VIPR2: variants seen among roughly 807,000 people sequenced by gnomAD.
VIPR2 encodes the protein vasoactive intestinal polypeptide receptor 2.
In VIPR2, 48 loss-of-function variants were observed where a neutral mutation model predicts 58.0. That is an observed-to-expected ratio of 0.83 (90% CI 0.66 to 1.05). The LOEUF (loss-of-function observed/expected upper bound fraction) is 1.05, where lower values mean the gene tolerates loss of function less well. Ranked by LOEUF, VIPR2 falls within the 50% of genes least tolerant of loss-of-function variation. The pLI is 0.00. For missense variants in VIPR2, 534 were observed against 558.0 expected (o/e 0.96, Z 0.43); for synonymous variants, 243 against 235.2 (o/e 1.03, Z -0.30).
intron 4 of VIPR2, among the ~76,000 whole-genome samples, chr7:159,082,395 C>T (rs961594715): frequency 6.6e-6 from 1 of 151,860 alleles, no homozygotes; most frequent in African/African-American, 2.4e-5. Context: ...TGTTCTCACT[C>T]ATAGGTGGGA....
intron 4 of VIPR2, among the ~76,000 whole-genome samples, chr7:159,082,957 A>G (rs1585441169): frequency 1.3e-5 from 2 of 152,230 alleles, no homozygotes; most frequent in South Asian, 4.1e-4. Flanking sequence ...GAGGCTAACC[A>G]TCATCCTCAT....
At chr7:159,122,567 C>T (rs185826284) in intron 2 of VIPR2, among the ~76,000 whole-genome samples, 2 of 152,296 alleles carry the variant, frequency 1.3e-5, no homozygotes, top group East Asian at 3.9e-4. Flanking sequence ...AGGGTGCTGG[C>T]TGACTGTGTT....
chr7:159,067,839 G>A, intron 4 of VIPR2, among the ~76,000 whole-genome samples: 1 of 152,234 alleles, frequency 6.6e-6, no homozygotes, highest in Non-Finnish European at 1.5e-5. Context: ...AATCTCATAG[G>A]TTCAAGGCTA....
In VIPR2 at chr7:159,143,987, C is replaced by A. The variant is rs968425501; in HGVS notation, c.51+734G>T. Among the ~76,000 whole-genome samples, 6 of 152,250 alleles carry A rather than the reference C, an allele frequency of 3.9e-5. No individual in the cohort carries two copies. In the East Asian group the frequency reaches 1.2e-3, roughly 29 times the overall value. The stretch of plus-strand genomic sequence containing the variant: ...CTGTCGGGTCAGCAGCGCAGCCTCC[C>A]AGCTGCGGAGGGGCCGCGGATCGAT... On this transcript the variant is annotated intron_variant, in intron 1 of 12. Coordinates refer to ENST00000262178, the MANE Select transcript of VIPR2 (RefSeq NM_003382.5).
chr7:159,079,638 G>T lies in VIPR2; in HGVS notation c.358-21060C>A, dbSNP rs576590384. Among the ~76,000 whole-genome samples the T allele has an allele frequency of 3.3e-5, 5 of 152,222 alleles. No individual in the cohort carries two copies. The South Asian group carries it at 1.0e-3, about 32-fold the overall frequency. On this transcript the variant is annotated intron_variant, in intron 4 of 12. Coordinates refer to ENST00000262178, the MANE Select transcript of VIPR2 (RefSeq NM_003382.5). ...GATCAGAGCAGAACTGAAGGAAATAGAGACACAAAAAACCCTTCAAAAAAT... is the reference window on the plus strand; with the variant it reads ...GATCAGAGCAGAACTGAAGGAAATATAGACACAAAAAACCCTTCAAAAAAT...
chr7:159,080,888 T>A (rs1454083969), intron 4 of VIPR2, among the ~76,000 whole-genome samples: 2 of 151,870 alleles, frequency 1.3e-5, no homozygotes, highest in African/African-American at 2.4e-5. Flanking sequence ...GAGAATAAAA[T>A]ACCTAGGAAT....
intron 5 of VIPR2, among the ~76,000 whole-genome samples, chr7:159,047,248 CA>C (rs1854713633): frequency 6.6e-6 from 1 of 151,972 alleles, no homozygotes; most frequent in Admixed American, 6.6e-5. Flanking sequence ...TTGTCTCAAA[CA>C]AACAAACAAA....
chr7:159,102,761 A>G (rs907152152), intron 4 of VIPR2, among the ~76,000 whole-genome samples: 18 of 152,174 alleles, frequency 1.2e-4, no homozygotes, highest in African/African-American at 4.1e-4. Context: ...TCGGCCCACA[A>G]GCTGATGGTT....
intron 6 of VIPR2, among the ~76,000 whole-genome samples, chr7:159,041,638 AGGGTCCTGAGGGTCCGTCAT>A (rs1854343619): frequency 8.8e-6 from 1 of 113,938 alleles, no homozygotes; most frequent in South Asian, 2.7e-4. Flanking sequence ...AGGGTCCGTC[AGGGTCCTGAGGGTCCGTCAT>A]GGGTCCTGAG....
At chr7:159,075,460 T>C (rs973983460) in intron 4 of VIPR2, among the ~76,000 whole-genome samples, 7 of 152,248 alleles carry the variant, frequency 4.6e-5, no homozygotes, top group Non-Finnish European at 8.8e-5. Context: ...TGCAAACAGT[T>C]TGTTTCTCAC....
chr7:159,036,413 G>A lies in VIPR2; in HGVS notation c.748+339C>T, dbSNP rs373370370. Among the ~76,000 whole-genome samples the A allele has an allele frequency of 1.9e-3, 290 of 152,228 alleles. 3 individuals are homozygous for A. Among genetic ancestry groups the A allele is most frequent in the African/African-American group, 5.8e-3 (242 of 41,540 alleles). On this transcript the variant is annotated intron_variant, in intron 7 of 12. Transcript: ENST00000262178. ...CAACCCTGGGCAAGGCAAGGCTTCC[G>A]CTACCTGGTGTGCCTCTCCTCTCTG...
chr7:159,060,759 T>C (rs1216746040), intron 4 of VIPR2, among the ~76,000 whole-genome samples: 1 of 149,966 alleles, frequency 6.7e-6, no homozygotes, highest in Non-Finnish European at 1.5e-5. Flanking sequence ...GCCTGCACCT[T>C]ACCTAACCCA....
chr7:159,108,382 T>G (rs1795855187), intron 3 of VIPR2, among the ~76,000 whole-genome samples: 1 of 152,194 alleles, frequency 6.6e-6, no homozygotes, highest in Non-Finnish European at 1.5e-5. Flanking sequence ...ATAGCTCACG[T>G]TTTTGTGATC....
chr7:159,110,869 T>A (rs1795970785), intron 2 of VIPR2, among the ~76,000 whole-genome samples: 1 of 152,202 alleles, frequency 6.6e-6, no homozygotes, highest in Non-Finnish European at 1.5e-5. Context: ...AAGCTGGCCA[T>A]AAGCTAAGTT....
In VIPR2 at chr7:159,097,118, T is replaced by C; in HGVS notation, c.357+6639A>G. ...GGTTGCAGGAGGGTTGGCGGGATGA[T>C]CAGATGGTGCCTCCCACAAAGGCAT... On this transcript the variant is annotated intron_variant, in intron 4 of 12. Coordinates refer to ENST00000262178, the MANE Select transcript of VIPR2 (RefSeq NM_003382.5). This position sits in a 1 kb window ranked among gnomAD's most constrained non-coding sequence, Gnocchi z 5.3. 1.3e-6 allele frequency: 2 copies of C among 1,486,174 alleles called. No individual in the cohort carries two copies. The highest frequency in any genetic ancestry group is 2.7e-5 in the South Asian group (2 of 74,856). The allele number at this position is 1,486,174 out of a possible 1,614,324, so 92.1% of individuals were successfully genotyped here.
Position 159,142,502 on chromosome 7 carries a change from T to C in VIPR2, c.95A>G (p.Gln32Arg). The C allele has an allele frequency of 3.1e-6, 5 of 1,614,108 alleles. No individual in the cohort carries two copies. Among genetic ancestry groups the C allele is most frequent in the Non-Finnish European group, 4.2e-6 (5 of 1,180,002 alleles). ...HPECRFHLEI[Q>R]EEETKCAELL... ...CTCTGCACATTTTGTTTCTTCCTCC[T>C]GTATTTCCAGATGAAATCGGCATTC... The change falls in exon 2 of 13, where the codon CAG (glutamine) becomes CGG (arginine). Residue 32 changes from glutamine to arginine, a missense_variant. Gln to Arg is a conservative substitution (Grantham distance 43). Transcript: ENST00000262178.
intron 6 of VIPR2, among the ~76,000 whole-genome samples, chr7:159,038,629 G>A (rs760338125): frequency 5.3e-5 from 8 of 152,050 alleles, no homozygotes; most frequent in African/African-American, 1.2e-4. Context: ...GTCACCCATC[G>A]GGATGCAACG....
chr7:159,053,366 G>T (rs1177072523), intron 5 of VIPR2, among the ~76,000 whole-genome samples: 3 of 152,092 alleles, frequency 2.0e-5, no homozygotes, highest in African/African-American at 7.2e-5. Flanking sequence ...TAAATTATGT[G>T]TAAGACTTCC....
rs528460257 is a variant in VIPR2 at position 159,144,493 on chromosome 7, G to T, written c.51+228C>A. On this transcript the variant is annotated intron_variant, in intron 1 of 12. Transcript: ENST00000262178. ...CGGACGGTGGGGCGCGGGGAAGGGC[G>T]CAGGCAGCCTCCCAACCCGAGTCCC... The T allele has an allele frequency of 3.9e-6, 6 of 1,537,628 alleles. No individual in the cohort carries two copies. In the African/African-American group the frequency reaches 5.5e-5, roughly 14 times the overall value.
Sources: allele counts gnomAD v4.1 joint callset (sites outside exome capture counted in the v4.1 genomes callset), GRCh38; gene constraint gnomAD v4.1.1; non-coding constraint Gnocchi (gnomAD v3.1); transcripts MANE v1.5; gene names NCBI Gene and HGNC (gene_info 2026-07-23, HGNC 2026-07-21).